The following YTHDF3 variants were observed in gnomAD, a reference collection of about 807,000 sequenced individuals.
The protein encoded by YTHDF3 is YTH domain-containing family protein 3.
YTHDF3 carries 9 observed loss-of-function variants against 52.5 expected under a neutral mutation model. The ratio of observed to expected loss-of-function variants is 0.17; its 90% CI spans 0.10 to 0.30. The LOEUF is 0.30. Ranked by LOEUF, YTHDF3 falls within the 10% of genes least tolerant of loss-of-function variation. The pLI is 1.00. For missense variants in YTHDF3, 534 were observed against 715.0 expected, an observed-to-expected ratio of 0.75 and a Z score of 2.89; for synonymous variants, 274 against 243.3, an observed-to-expected ratio of 1.13 and a Z score of -1.18.
chr8:63,175,026 T>A (rs1053901643), intron 2 of YTHDF3, among the ~76,000 whole-genome samples: 4 of 152,194 alleles, frequency 2.6e-5, no homozygotes, highest in African/African-American at 9.6e-5. Flanking sequence ...CCAACATTCT[T>A]ATGTAACAAT....
rs376890498 is a variant in YTHDF3, at chr8:63,175,349, C to T, written c.68C>T (p.Ser23Leu). ...QGNKVSVQNG[S>L]IHQKDAVNDD... ...TTTTTAGTTTCAGTACAAAACGGTTCGATTCATCAAAAAGATGCTGTAAAT... is the reference window on the plus strand; with the variant it reads ...TTTTTAGTTTCAGTACAAAACGGTTTGATTCATCAAAAAGATGCTGTAAAT... Residue 23 changes from serine (S) to leucine (L), a missense_variant, in exon 3 of 5, where the codon TCG becomes TTG. This residue lies in a region of YTHDF3 where 196 missense variants were observed against 299.5 expected (regional missense o/e 0.65). Coordinates refer to ENST00000539294, the MANE Select transcript of YTHDF3 (RefSeq NM_152758.6). 5.7e-5 allele frequency: 92 copies of T among 1,609,010 alleles called. No individual in the cohort carries two copies. The highest frequency in any genetic ancestry group is 3.4e-5 in the Admixed American group (2 of 59,518).
Position 63,209,042 on chromosome 8 carries a change from A to G in YTHDF3, c.1735-641A>G, listed in dbSNP as rs1460417457. Among the ~76,000 whole-genome samples the G allele has an allele frequency of 2.0e-5, 3 of 151,672 alleles. No individual in the cohort carries two copies. The South Asian group carries it at 6.3e-4, about 32-fold the overall frequency. ...GCCACCACGCCCAGCTAATTTTTGT[A>G]TTTTTAGTAGAGACGGGGTTTCATC... On this transcript the variant is annotated intron_variant, in intron 4 of 4. Transcript: ENST00000539294.
chr8:63,180,481 C>T (rs1426276980), intron 3 of YTHDF3, among the ~76,000 whole-genome samples: 2 of 150,972 alleles, frequency 1.3e-5, no homozygotes, highest in Non-Finnish European at 2.9e-5. Context: ...ACGCTCCTCA[C>T]TTTCCAGACT....
chr8:63,169,281 C>A, intron 1 of YTHDF3, 106 bp from the exon 2 acceptor site: 2 of 1,444,422 alleles, frequency 1.4e-6, no homozygotes, highest in Non-Finnish European at 1.9e-6. Flanking sequence ...TTTACTCCTA[C>A]GCGGATAGTC....
In YTHDF3 at chr8:63,211,846, A is replaced by G. The variant is rs932039216; in HGVS notation, c.*2140A>G. On this transcript the variant is annotated 3_prime_UTR_variant, in exon 5 of 5. Coordinates refer to ENST00000539294, the MANE Select transcript of YTHDF3 (RefSeq NM_152758.6). ...TTCTAATCTTAAGTGAAATGGGTGC[A>G]GCATTCCTTTGGAAAAAAAAATCTT... The G allele has an allele frequency of 1.3e-5, 2 of 152,586 alleles. No homozygotes were observed. The highest frequency in any genetic ancestry group is 4.8e-5 in the African/African-American group (2 of 41,436). The allele number at this position is 152,586 out of a possible 1,614,324, so 9.5% of individuals were successfully genotyped here. A position where few individuals can be genotyped will look rare whatever the true frequency, so the allele number is the denominator to read the frequency against.
chr8:63,172,873 A>C, intron 2 of YTHDF3: 1 of 1,139,784 alleles, frequency 8.8e-7, no homozygotes, highest in Non-Finnish European at 1.1e-6. Flanking sequence ...ATTTCTATTT[A>C]ATGGTTTTCA....
intron 4 of YTHDF3, among the ~76,000 whole-genome samples, chr8:63,205,348 A>G (rs1171020922): frequency 6.6e-6 from 1 of 152,154 alleles, no homozygotes; most frequent in South Asian, 2.1e-4. Flanking sequence ...ACATGTAATT[A>G]TGATGTTAAC....
chr8:63,201,036 T>TA (rs1189643764), intron 4 of YTHDF3, among the ~76,000 whole-genome samples: 3 of 152,234 alleles, frequency 2.0e-5, no homozygotes, highest in African/African-American at 7.2e-5. Flanking sequence ...ACTTAAGGGA[T>TA]AGAGCTCATT....
At position 63,202,072 on chromosome 8, in the gene YTHDF3, C is replaced by T. The variant is rs181192118; in HGVS notation, c.1735-7611C>T. On this transcript the variant is annotated intron_variant, in intron 4 of 4. Transcript: ENST00000539294. ...ACCGTAAGCCACCAAAGATAAATGA[C>T]CCTTTTTAGAACTCAGTCTACTTAG... 9.2e-5 allele frequency among the ~76,000 whole-genome samples: 14 copies of T among 152,256 alleles called. No individual in the cohort carries two copies. The East Asian group carries it at 2.7e-3, about 29-fold the overall frequency.
At position 63,169,946 on chromosome 8, in the gene YTHDF3, G is replaced by A. The variant is rs555075092; in HGVS notation, c.49+535G>A. On this transcript the variant is annotated intron_variant, in intron 2 of 4. Transcript: ENST00000539294. ...TCTTGCTCTATTGTTCTGATTGCAA[G>A]GTGTGACTCTATCTGGTATTTTATA... Among the ~76,000 whole-genome samples the A allele has an allele frequency of 9.5e-4, 145 of 152,278 alleles. No individual in the cohort carries two copies. In the Middle Eastern group the frequency reaches 0.017, roughly 18 times the overall value.
chr8:63,196,842 C>T (rs957121555), intron 4 of YTHDF3, among the ~76,000 whole-genome samples: 1 of 152,134 alleles, frequency 6.6e-6, no homozygotes, highest in African/African-American at 2.4e-5. Flanking sequence ...TAGCCACGTA[C>T]TGTTCATGAA....
chr8:63,168,635 T>G lies in YTHDF3; in HGVS notation c.-243T>G. The G allele has an allele frequency of 1.5e-6, 1 of 675,628 alleles. No homozygotes were observed. Among genetic ancestry groups the G allele is most frequent in the South Asian group, 1.8e-5 (1 of 54,258 alleles). The allele number at this position is 675,628 out of a possible 1,614,324, so 41.9% of individuals were successfully genotyped here. ...GGAGCGGAAGTGAGACTAGGGAGTCTGTCCGCCATTGTGGACCCGAGAAGC... is the reference window on the plus strand; with the variant it reads ...GGAGCGGAAGTGAGACTAGGGAGTCGGTCCGCCATTGTGGACCCGAGAAGC... On this transcript the variant is annotated 5_prime_UTR_variant, in exon 1 of 5. Coordinates refer to ENST00000539294, the MANE Select transcript of YTHDF3 (RefSeq NM_152758.6).
rs555512803 is a variant in YTHDF3, at chr8:63,187,789, G to A, written c.1734+44G>A. 1.4e-4 allele frequency: 212 copies of A among 1,524,626 alleles called. 1 individual carries two copies. In the East Asian group the frequency reaches 4.5e-3, roughly 32 times the overall value. The allele number at this position is 1,524,626 out of a possible 1,614,324, so 94.4% of individuals were successfully genotyped here. ...TTTGTTTGGGGTCTTTGTATTGCTG[G>A]TGGGGTGCATGGATGGGTATATTCT... On this transcript the variant is annotated intron_variant, in intron 4 of 4. Transcript: ENST00000539294.
At position 63,211,797 on chromosome 8, in the gene YTHDF3, C is replaced by T. The variant is rs752528472; in HGVS notation, c.*2091C>T. 3.9e-5 allele frequency: 6 copies of T among 152,542 alleles called. No individual in the cohort carries two copies. The highest frequency in any genetic ancestry group is 7.4e-5 in the Non-Finnish European group (5 of 68,006). 9.4% of individuals were successfully genotyped at this position (152,542 alleles called of 1,614,324 possible). On this transcript the variant is annotated 3_prime_UTR_variant, in exon 5 of 5. Transcript: ENST00000539294. Reference sequence around the variant, plus strand: ...GAGAGTCTATTCATGGTGAGGAGTACATCCCAGTGCCTTTAACCTGGATTT... The same window carrying T: ...GAGAGTCTATTCATGGTGAGGAGTATATCCCAGTGCCTTTAACCTGGATTT...
intron 4 of YTHDF3, among the ~76,000 whole-genome samples, chr8:63,189,792 G>A (rs1425116915): frequency 6.6e-6 from 1 of 152,198 alleles, no homozygotes; most frequent in Non-Finnish European, 1.5e-5. Context: ...CATTCCAGGT[G>A]ATTCTGGTGC....
At chr8:63,170,632 A>G (rs1322690769) in intron 2 of YTHDF3, among the ~76,000 whole-genome samples, 1 of 152,206 alleles carries the variant, frequency 6.6e-6, no homozygotes, top group Admixed American at 6.5e-5. Flanking sequence ...AATTTTAAAA[A>G]GAATGATCCA....
rs1808524420 is a variant in YTHDF3 at position 63,186,668 on chromosome 8, C to T, written c.657C>T (p.Ser219=). 6.2e-7 allele frequency: 1 copy of T among 1,613,860 alleles called. No individual in the cohort carries two copies. Among genetic ancestry groups the T allele is most frequent in the Admixed American group, 1.7e-5 (1 of 59,994 alleles). ...GTALSSSGMT[S]IATNSVPPVS... ...CTTTGAGCAGCAGTGGTATGACTAG[C>T]ATTGCAACCAATAGTGTGCCCCCAG... The change falls in exon 4 of 5, where the codon AGC becomes AGT. Residue 219 remains serine (S), a synonymous_variant. Transcript: ENST00000539294.
At chr8:63,169,688 A>C (rs768295400) in intron 2 of YTHDF3, among the ~76,000 whole-genome samples, 39 of 152,220 alleles carry the variant, frequency 2.6e-4, no homozygotes, top group Non-Finnish European at 4.7e-4. Context: ...TTGGTTTTCC[A>C]GTTTTTCTGT....
At position 63,190,360 on chromosome 8, in the gene YTHDF3, G is replaced by A. The variant is rs547108197; in HGVS notation, c.1734+2615G>A. 6.6e-5 allele frequency among the ~76,000 whole-genome samples: 10 copies of A among 151,678 alleles called. No individual in the cohort carries two copies. In the South Asian group the frequency reaches 2.1e-3, roughly 32 times the overall value. The stretch of plus-strand genomic sequence containing the variant: ...TCCTGGTTTTGTTATAATGTATTTG[G>A]TATGTTAATATTATGTAGTTGTTTC... On this transcript the variant is annotated intron_variant, in intron 4 of 4. Coordinates refer to ENST00000539294, the MANE Select transcript of YTHDF3 (RefSeq NM_152758.6).
Sources: allele counts gnomAD v4.1 joint callset (sites outside exome capture counted in the v4.1 genomes callset), GRCh38; gene constraint gnomAD v4.1.1; regional missense constraint gnomAD v4.1.1; transcripts MANE v1.5; gene names NCBI Gene and HGNC (gene_info 2026-07-23, HGNC 2026-07-21).